Variants in ITPR2 observed in about 807,000 individuals in gnomAD.
ITPR2 encodes inositol 1,4,5-trisphosphate-gated calcium channel ITPR2.
Under a neutral mutation model 317.1 loss-of-function variants are expected in ITPR2, and 207 were observed. That is an observed-to-expected ratio of 0.65 (90% CI 0.58 to 0.73). The LOEUF (loss-of-function observed/expected upper bound fraction) is 0.73, where lower values mean the gene tolerates loss of function less well. Ranked by LOEUF, ITPR2 falls within the 30% of genes least tolerant of loss-of-function variation. The probability of loss-of-function intolerance (pLI) is 0.00; values close to 1 mark genes in which losing one functional copy is unlikely to be tolerated. For missense variants in ITPR2, 2,613 were observed against 3,284.0 expected, an observed-to-expected ratio of 0.80 and a Z score of 4.99; for synonymous variants, 1,156 against 1,149.1, an observed-to-expected ratio of 1.01 and a Z score of -0.12.
At chr12:26,528,118 G>A (rs940612572) in intron 37 of ITPR2, among the ~76,000 whole-genome samples, 2 of 152,058 alleles carry the variant, frequency 1.3e-5, no homozygotes, top group African/African-American at 4.8e-5. Context: ...CCGTTAGGTT[G>A]GGGGGAAATA....
chr12:26,803,494 T>C (rs1592145498), intron 1 of ITPR2, among the ~76,000 whole-genome samples: 2 of 152,196 alleles, frequency 1.3e-5, no homozygotes, highest in South Asian at 2.1e-4. Flanking sequence ...AAGTATGTAA[T>C]AATGATATAG....
At chr12:26,715,060 G>A (rs938906569) in intron 8 of ITPR2, among the ~76,000 whole-genome samples, 1 of 152,140 alleles carries the variant, frequency 6.6e-6, no homozygotes, top group African/African-American at 2.4e-5. Flanking sequence ...GTGTGTGTGT[G>A]TGTGCACTTG....
intron 50 of ITPR2, among the ~76,000 whole-genome samples, chr12:26,417,314 A>G (rs189593834): frequency 2.0e-5 from 3 of 152,298 alleles, no homozygotes; most frequent in Admixed American, 1.3e-4. Context: ...CAATTAGAAA[A>G]TGGGGTTAAT....
At chr12:26,634,000 A>G (rs1264349712) in intron 21 of ITPR2, among the ~76,000 whole-genome samples, 1 of 152,258 alleles carries the variant, frequency 6.6e-6, no homozygotes, top group Non-Finnish European at 1.5e-5. Context: ...TCCTGTCACC[A>G]AGGAATTAAA....
chr12:26,814,607 T>C (rs1362118921), intron 1 of ITPR2, among the ~76,000 whole-genome samples: 2 of 152,190 alleles, frequency 1.3e-5, no homozygotes, highest in Non-Finnish European at 2.9e-5. Flanking sequence ...TAAAAAGAAA[T>C]ATTTTCTCAC....
chr12:26,608,674 C>T lies in ITPR2; in HGVS notation c.3463-5968G>A, dbSNP rs1042521955. Among the ~76,000 whole-genome samples, 4 of 152,138 alleles carry T rather than the reference C, an allele frequency of 2.6e-5. No homozygotes were observed. In the South Asian group the frequency reaches 6.2e-4, roughly 24 times the overall value. The stretch of plus-strand genomic sequence containing the variant: ...CCCACAGTCTGTGAAGTGAGGGGCC[C>T]CTCTGCCCGGCTGCTGTGCAACCCC... On this transcript the variant is annotated intron_variant, in intron 26 of 56. Transcript: ENST00000381340.
At chr12:26,563,493 C>G (rs1317163330) in intron 34 of ITPR2, among the ~76,000 whole-genome samples, 1 of 152,030 alleles carries the variant, frequency 6.6e-6, no homozygotes, top group Non-Finnish European at 1.5e-5. Flanking sequence ...TCGCTTGAAC[C>G]CAGTAGGCAG....
chr12:26,639,518 G>A (rs1047514317), intron 21 of ITPR2, among the ~76,000 whole-genome samples: 1 of 151,372 alleles, frequency 6.6e-6, no homozygotes, highest in Middle Eastern at 3.4e-3. Flanking sequence ...TGTGCACAAC[G>A]TGCTGGTTAG....
intron 37 of ITPR2, among the ~76,000 whole-genome samples, chr12:26,522,855 CACA>C (rs1167579339): frequency 6.6e-6 from 1 of 152,162 alleles, no homozygotes; most frequent in Non-Finnish European, 1.5e-5. Context: ...GGGGGAACCC[CACA>C]ACAACACCGG....
intron 50 of ITPR2, among the ~76,000 whole-genome samples, chr12:26,416,606 AACTTGTTTGCTC>A (rs1205441709): frequency 6.6e-6 from 1 of 152,144 alleles, no homozygotes; most frequent in Non-Finnish European, 1.5e-5. Flanking sequence ...ACTAGATATT[AACTTGTTTGCTC>A]ACCTATGGAA....
Position 26,622,400 on chromosome 12 carries a change from T to C in ITPR2, c.3128A>G (p.Glu1043Gly). The change falls in exon 25 of 57, where the codon GAA (glutamate) becomes GGA (glycine). Residue 1043 changes from glutamate to glycine, a missense_variant. Physicochemically the swap from Glu to Gly is moderately conservative, Grantham distance 98 (BLOSUM62 -2). Coordinates refer to ENST00000381340, the MANE Select transcript of ITPR2 (RefSeq NM_002223.4). ...QAETMFAGRK[E>G]KNPVQLDDEG... Reference sequence around the variant, plus strand: ...ATCGTCAAGTTGAACTGGATTTTTTTCTTTTCTATAAAACCAAAAACATTT... The same window carrying C: ...ATCGTCAAGTTGAACTGGATTTTTTCCTTTTCTATAAAACCAAAAACATTT... 1 of 1,600,310 alleles carries C rather than the reference T, an allele frequency of 6.2e-7. No homozygotes were observed. Among genetic ancestry groups the C allele is most frequent in the African/African-American group, 1.3e-5 (1 of 74,138 alleles).
At position 26,580,107 on chromosome 12, in the gene ITPR2, T is replaced by G; in HGVS notation, c.4429A>C (p.Lys1477Gln). ...TTCATTATTGACTCAGTAACACACT[T>G]TTCCAAAAAGATGTCTGCATGTTTC... ...DRKHADIFLEKCVTESIMNIV... is the reference protein window; with the variant it reads ...DRKHADIFLEQCVTESIMNIV... Residue 1477 changes from lysine to glutamine, a missense_variant, in exon 33 of 57, where the codon AAG (lysine) becomes CAG (glutamine). Transcript: ENST00000381340. 1 of 1,612,540 alleles carries G rather than the reference T, an allele frequency of 6.2e-7. No individual in the cohort carries two copies. The highest frequency in any genetic ancestry group is 8.5e-7 in the Non-Finnish European group (1 of 1,178,742).
intron 44 of ITPR2, 133 bp from the exon 45 acceptor site, chr12:26,475,551 G>A: frequency 1.2e-6 from 1 of 850,000 alleles, no homozygotes; most frequent in African/African-American, 1.7e-5. Flanking sequence ...AAATGGCCTT[G>A]GAAACCATCC....
intron 30 of ITPR2, among the ~76,000 whole-genome samples, chr12:26,598,053 C>T (rs576762485): frequency 4.6e-5 from 7 of 152,032 alleles, no homozygotes; most frequent in Admixed American, 3.3e-4. Context: ...AACACTTCAC[C>T]CAACAGTATC....
At chr12:26,432,694 C>G (rs535207116) in intron 48 of ITPR2, among the ~76,000 whole-genome samples, 5 of 151,360 alleles carry the variant, frequency 3.3e-5, no homozygotes, top group African/African-American at 1.2e-4. Flanking sequence ...TAAAAAAGAG[C>G]TTTATCTTCC....
At chr12:26,466,680 G>T (rs1224818092) in intron 45 of ITPR2, among the ~76,000 whole-genome samples, 1 of 152,182 alleles carries the variant, frequency 6.6e-6, no homozygotes, top group Non-Finnish European at 1.5e-5. Flanking sequence ...TGCAAATGCA[G>T]CTCACTGACA....
At chr12:26,364,431 T>C (rs1357939686) in intron 55 of ITPR2, among the ~76,000 whole-genome samples, 1 of 152,186 alleles carries the variant, frequency 6.6e-6, no homozygotes, top group African/African-American at 2.4e-5. Flanking sequence ...GAATGAACAT[T>C]CACAATAACC....
intron 2 of ITPR2, among the ~76,000 whole-genome samples, chr12:26,746,809 CA>C (rs1393259413): frequency 1.4e-5 from 2 of 140,880 alleles, no homozygotes; most frequent in South Asian, 2.5e-4. Context: ...GTTCTCTTAT[CA>C]GGGGTGCATG....
At chr12:26,666,137 G>GATAC in intron 13 of ITPR2, 86 bp from the exon 14 acceptor site, 1 of 344,712 alleles carries the variant, frequency 2.9e-6, no homozygotes, top group Non-Finnish European at 4.6e-6. Flanking sequence ...GGTAGGTAGA[G>GATAC]ATAGATAGAT....
Sources: allele counts gnomAD v4.1 joint callset (sites outside exome capture counted in the v4.1 genomes callset), GRCh38; gene constraint gnomAD v4.1.1; transcripts MANE v1.5; gene names NCBI Gene and HGNC (gene_info 2026-07-23, HGNC 2026-07-21).